MYO1D: variants seen among roughly 807,000 people sequenced by gnomAD.
The protein encoded by MYO1D is myosin ID.
In MYO1D, 83 loss-of-function variants were observed where a neutral mutation model predicts 122.0. The observed-to-expected ratio is 0.68, with a 90% confidence interval of 0.57 to 0.82. The LOEUF is 0.82. MYO1D is among the 40% of genes least tolerant of loss of function. The probability of loss-of-function intolerance (pLI) is 0.00; values close to 1 mark genes in which losing one functional copy is unlikely to be tolerated. For synonymous variants in MYO1D, 464 were observed against 446.9 expected, an observed-to-expected ratio of 1.04 and a Z score of -0.48; for missense variants, 1,157 against 1,269.5, an observed-to-expected ratio of 0.91 and a Z score of 1.35.
intron 1 of MYO1D, among the ~76,000 whole-genome samples, chr17:32,848,930 C>T (rs1263062474): frequency 2.0e-5 from 3 of 152,124 alleles, no homozygotes; most frequent in Non-Finnish European, 4.4e-5. Flanking sequence ...AACATTCTTA[C>T]GTACCTGTGC....
intron 21 of MYO1D, among the ~76,000 whole-genome samples, chr17:32,600,739 A>C (rs930225945): frequency 6.6e-6 from 1 of 152,190 alleles, no homozygotes; most frequent in South Asian, 2.1e-4. Context: ...TCTTTTATCC[A>C]GACCACTCAA....
At chr17:32,653,599 T>G (rs1368013839) in intron 19 of MYO1D, among the ~76,000 whole-genome samples, 1 of 83,902 alleles carries the variant, frequency 1.2e-5, no homozygotes, top group Non-Finnish European at 2.2e-5. Flanking sequence ...TGAGTAAAAC[T>G]CCGTCTCCAA....
chr17:32,688,898 A>G (rs2089057300), intron 16 of MYO1D, among the ~76,000 whole-genome samples: 1 of 151,310 alleles, frequency 6.6e-6, no homozygotes, highest in African/African-American at 2.4e-5. Flanking sequence ...TTTACAGTGC[A>G]TATGGTCTCT....
chr17:32,743,103 C>T (rs1208746065), intron 13 of MYO1D, among the ~76,000 whole-genome samples: 1 of 152,196 alleles, frequency 6.6e-6, no homozygotes, highest in Non-Finnish European at 1.5e-5. Flanking sequence ...CTTCCTTCCT[C>T]ACTGGCATGC....
At chr17:32,525,148 T>C (rs1456394653) in intron 21 of MYO1D, among the ~76,000 whole-genome samples, 1 of 152,244 alleles carries the variant, frequency 6.6e-6, no homozygotes. Flanking sequence ...CAATCATTCA[T>C]AGGAGTGGGG....
chr17:32,605,472 C>T (rs1257508280), intron 20 of MYO1D, among the ~76,000 whole-genome samples: 1 of 86,894 alleles, frequency 1.2e-5, no homozygotes, highest in Non-Finnish European at 2.4e-5. Flanking sequence ...GGGTTTTGCT[C>T]AGTGACCCCC....
At chr17:32,834,004 G>A (rs1232158482) in intron 1 of MYO1D, among the ~76,000 whole-genome samples, 1 of 151,854 alleles carries the variant, frequency 6.6e-6, no homozygotes, top group Non-Finnish European at 1.5e-5. Flanking sequence ...ATTATTTTTA[G>A]TCTGTCTCCC....
chr17:32,857,823 A>T (rs1232889956), intron 1 of MYO1D, among the ~76,000 whole-genome samples: 1 of 152,158 alleles, frequency 6.6e-6, no homozygotes, highest in African/African-American at 2.4e-5. Context: ...TCCACATGTG[A>T]ACTGTAGAAT....
At chr17:32,631,493 A>G (rs2088005949) in intron 20 of MYO1D, among the ~76,000 whole-genome samples, 1 of 152,102 alleles carries the variant, frequency 6.6e-6, no homozygotes. Context: ...AAAAATTTTC[A>G]AAGTTTAGCC....
At chr17:32,834,372 G>T (rs1183670302) in intron 1 of MYO1D, among the ~76,000 whole-genome samples, 1 of 152,150 alleles carries the variant, frequency 6.6e-6, no homozygotes, top group Non-Finnish European at 1.5e-5. Flanking sequence ...CCACTCCCCT[G>T]CCCCATAACC....
intron 16 of MYO1D, among the ~76,000 whole-genome samples, chr17:32,692,587 T>C (rs2150974882): frequency 6.6e-6 from 1 of 152,350 alleles, no homozygotes; most frequent in African/African-American, 2.4e-5. Context: ...ATTTTCATCA[T>C]TGCCTTTAAT....
intron 21 of MYO1D, among the ~76,000 whole-genome samples, chr17:32,497,399 A>G (rs1909159332): frequency 6.6e-6 from 1 of 152,132 alleles, no homozygotes; most frequent in South Asian, 2.1e-4. Context: ...CAAGGCTGTG[A>G]TGAGCTATGA....
chr17:32,613,943 G>A (rs536212885), intron 20 of MYO1D, among the ~76,000 whole-genome samples: 5 of 151,642 alleles, frequency 3.3e-5, no homozygotes, highest in Non-Finnish European at 5.9e-5. Flanking sequence ...AGCCAAGTAT[G>A]AAGTTTTGCA....
rs187480600 is a variant in MYO1D, at chr17:32,849,880, T to C, written c.95+26898A>G. 3.3e-4 allele frequency among the ~76,000 whole-genome samples: 51 copies of C among 152,338 alleles called. 1 individual carries two copies. Among genetic ancestry groups the C allele is most frequent in the Middle Eastern group, 6.8e-3 (2 of 294 alleles). ...AGTTTGAAGCCCAAATTGTGGACTT[T>C]TGTGTCCCTTCTACAGTTTAAAACA... On this transcript the variant is annotated intron_variant, in intron 1 of 21. Coordinates refer to ENST00000318217, the MANE Select transcript of MYO1D (RefSeq NM_015194.3).
chr17:32,868,774 G>A (rs1285639036), intron 1 of MYO1D, among the ~76,000 whole-genome samples: 3 of 152,226 alleles, frequency 2.0e-5, no homozygotes, highest in Non-Finnish European at 4.4e-5. Context: ...AGAGAAGTAT[G>A]CTCAGCTGAA....
chr17:32,873,476 C>T (rs1012019158), intron 1 of MYO1D, among the ~76,000 whole-genome samples: 2 of 152,212 alleles, frequency 1.3e-5, no homozygotes, highest in Non-Finnish European at 2.9e-5. Flanking sequence ...ACCAAACACG[C>T]TCAATTTCAG....
intron 20 of MYO1D, among the ~76,000 whole-genome samples, chr17:32,634,318 G>A (rs1195702546): frequency 6.6e-6 from 1 of 152,180 alleles, no homozygotes; most frequent in Admixed American, 6.5e-5. Flanking sequence ...GAGGGGGTGT[G>A]CAATTGGCTG....
At chr17:32,707,304 A>C (rs1419907834) in intron 16 of MYO1D, among the ~76,000 whole-genome samples, 1 of 152,216 alleles carries the variant, frequency 6.6e-6, no homozygotes, top group Non-Finnish European at 1.5e-5. Flanking sequence ...AAATTAAAAA[A>C]TGTAGAAATA....
intron 1 of MYO1D, among the ~76,000 whole-genome samples, chr17:32,795,469 C>T (rs2090405269): frequency 6.6e-6 from 1 of 151,782 alleles, no homozygotes; most frequent in Non-Finnish European, 1.5e-5. Flanking sequence ...AGTGATTCAA[C>T]CTTCCTGGTA....
Sources: gnomAD v4.1 joint callset for allele counts (sites outside exome capture counted in the v4.1 genomes callset) on GRCh38, gnomAD v4.1.1 for gene constraint, MANE v1.5 for transcripts, NCBI Gene and HGNC (gene_info 2026-07-23, HGNC 2026-07-21) for gene names.